Variants in SH3TC1 observed in about 807,000 individuals in gnomAD.
SH3TC1 encodes SH3 domain and tetratricopeptide repeats 1.
Under a neutral mutation model 117.3 loss-of-function variants are expected in SH3TC1, and 135 were observed. The ratio of observed to expected loss-of-function variants is 1.15; its 90% CI spans 1.00 to 1.33. The LOEUF is 1.33. Among genes scored for constraint, SH3TC1 ranks in the 40% most tolerant of loss-of-function variants. The pLI is 0.00. For missense variants in SH3TC1, 2,092 were observed against 1,794.3 expected (o/e 1.17, Z -3.00); for synonymous variants, 898 against 816.9 (o/e 1.10, Z -1.69).
rs115664377 is a variant in SH3TC1, at chr4:8,221,760, T to A, written c.1113-1080T>A. Reference sequence around the variant, plus strand: ...CAGATACAATGCCATTATCTACAGATCTTACTCAGATTTTGCCAGGAGCCA... The same window carrying A: ...CAGATACAATGCCATTATCTACAGAACTTACTCAGATTTTGCCAGGAGCCA... On this transcript the variant is annotated intron_variant, in intron 9 of 17. Transcript: ENST00000245105. 8.0e-3 allele frequency among the ~76,000 whole-genome samples: 1,225 copies of A among 152,272 alleles called. 8 individuals are homozygous for A. Among genetic ancestry groups the A allele is most frequent in the Admixed American group, 0.015 (229 of 15,290 alleles).
In SH3TC1 at chr4:8,227,459, G is replaced by T. The variant is rs1438880545; in HGVS notation, c.1765G>T (p.Ala589Ser). The change falls in exon 12 of 18, where the codon GCC becomes TCC. Residue 589 changes from alanine (A) to serine (S), a missense_variant. Physicochemically the swap from Ala to Ser is moderately conservative, Grantham distance 99 (BLOSUM62 1). Coordinates refer to ENST00000245105, the MANE Select transcript of SH3TC1 (RefSeq NM_018986.5). Reference sequence around the variant, plus strand: ...GGTGTACTTTGAGGAAGCGCTGGGGGCCCTGGAGGGCAGCTTCGGGGACCT... The same window carrying T: ...GGTGTACTTTGAGGAAGCGCTGGGGTCCCTGGAGGGCAGCTTCGGGGACCT... ...ARVYFEEALG[A>S]LEGSFGDLFL... 9 of 1,563,866 alleles carry T rather than the reference G, an allele frequency of 5.8e-6. No homozygotes were observed. In the South Asian group the frequency reaches 6.1e-5, roughly 11 times the overall value.
At chr4:8,211,783 A>G (rs1718755253) in intron 3 of SH3TC1, among the ~76,000 whole-genome samples, 1 of 152,044 alleles carries the variant, frequency 6.6e-6, no homozygotes, top group Admixed American at 6.5e-5. Flanking sequence ...GCTGGATCTC[A>G]GGAGCTCCAC....
chr4:8,222,355 G>A (rs895205855), intron 9 of SH3TC1, among the ~76,000 whole-genome samples: 1 of 138,222 alleles, frequency 7.2e-6, no homozygotes, highest in Admixed American at 7.7e-5. Context: ...TTGAGGTCAG[G>A]ATCTGGTTTT....
rs369156664 is a variant in SH3TC1, at chr4:8,227,750, C to T, written c.2056C>T (p.Pro686Ser). The part of the protein sequence containing the change: ...VHLKQPEEAL[P>S]FLERLLLLHR... The stretch of plus-strand genomic sequence containing the variant: ...CCTCAAGCAGCCCGAGGAGGCCCTG[C>T]CCTTCCTAGAGCGGCTGCTGCTTTT... Residue 686 changes from proline to serine, a missense_variant, in exon 12 of 18, where the codon CCC (proline) becomes TCC (serine). Transcript: ENST00000245105. 1.2e-6 allele frequency: 2 copies of T among 1,609,966 alleles called. No individual in the cohort carries two copies. Among genetic ancestry groups the T allele is most frequent in the African/African-American group, 2.7e-5 (2 of 75,008 alleles).
At position 8,192,321 on chromosome 4, in the gene SH3TC1, C is replaced by A. The variant is rs2152974794; in HGVS notation, c.-57+10111C>A. Reference sequence around the variant, plus strand: ...CTCAGTCACCTTTAAAATGAAAGGGCCACGGAATCACCAGGAACTCTCCTT... The same window carrying A: ...CTCAGTCACCTTTAAAATGAAAGGGACACGGAATCACCAGGAACTCTCCTT... On this transcript the variant is annotated intron_variant, in intron 1 of 16. Transcript: ENST00000508641. This position sits in a 1 kb window ranked among gnomAD's most constrained non-coding sequence, Gnocchi z 4.1. 6.6e-6 allele frequency among the ~76,000 whole-genome samples: 1 copy of A among 151,668 alleles called. No homozygotes were observed. The highest frequency in any genetic ancestry group is 2.1e-4 in the South Asian group (1 of 4,790).
intron 7 of SH3TC1, 28 bp from the exon 8 acceptor site, chr4:8,218,243 A>T: frequency 6.3e-7 from 1 of 1,588,830 alleles, no homozygotes; most frequent in Non-Finnish European, 8.6e-7. Flanking sequence ...GAAATCCCGC[A>T]GCAAAGACCT....
At chr4:8,239,270 CACATGCACACACATGG>C (rs1308809501) in intron 17 of SH3TC1, among the ~76,000 whole-genome samples, 1 of 151,494 alleles carries the variant, frequency 6.6e-6, no homozygotes. Flanking sequence ...CACACAGAGA[CACATGCACACACATGG>C]ACATGCACAC....
intron 1 of SH3TC1, among the ~76,000 whole-genome samples, chr4:8,204,201 G>C (rs752460670): frequency 6.6e-5 from 10 of 152,222 alleles, no homozygotes; most frequent in Non-Finnish European, 1.2e-4. Context: ...CAAGCCAGGA[G>C]CAAGGGGACG....
At chr4:8,211,483 C>CACCCGCCCCCGCACCGTTTTCT (rs1202418829) in intron 3 of SH3TC1, among the ~76,000 whole-genome samples, 1 of 85,458 alleles carries the variant, frequency 1.2e-5, no homozygotes, top group Non-Finnish European at 2.5e-5. Flanking sequence ...CCTCCCTCTC[C>CACCCGCCCCCGCACCGTTTTCT]CCCTCCCGGT....
chr4:8,230,915 G>A (rs996038844), intron 12 of SH3TC1, among the ~76,000 whole-genome samples: 3 of 152,024 alleles, frequency 2.0e-5, no homozygotes, highest in African/African-American at 7.2e-5. Flanking sequence ...GAGTAGCTGG[G>A]ATTACAGACA....
chr4:8,237,317 T>C (rs1721906974), intron 16 of SH3TC1, 157 bp from the exon 17 acceptor site: 2 of 618,188 alleles, frequency 3.2e-6, no homozygotes, highest in Admixed American at 7.2e-5. Flanking sequence ...TTAGTTCTGC[T>C]TTGTAGATGG....
rs1291585042 is a variant in SH3TC1, at chr4:8,209,855, G to T, written c.247+33G>T. On this transcript the variant is annotated intron_variant, in intron 3 of 17. Transcript: ENST00000245105. This position sits in a 1 kb window ranked among gnomAD's most constrained non-coding sequence, Gnocchi z 5.9. ...TCCTGGGCCCTACACAGGGCTTCAG[G>T]TTCAAATCCGGGCTGTGCCGCTCCC... 8.1e-6 allele frequency: 13 copies of T among 1,604,018 alleles called. No homozygotes were observed. The highest frequency in any genetic ancestry group is 3.4e-5 in the South Asian group (3 of 89,476).
At chr4:8,217,541 G>C (rs2152986404) in intron 7 of SH3TC1, among the ~76,000 whole-genome samples, 1 of 152,368 alleles carries the variant, frequency 6.6e-6, no homozygotes, top group East Asian at 1.9e-4. Context: ...GGGGATGTGA[G>C]GACAGGTGAC....
At position 8,236,281 on chromosome 4, in the gene SH3TC1, C is replaced by T. The variant is rs61740112; in HGVS notation, c.3409C>T (p.Arg1137Trp). 7.2e-3 allele frequency: 11,149 copies of T among 1,549,996 alleles called. 674 individuals carry two copies. The African/African-American group carries it at 0.13, about 18-fold the overall frequency. The change falls in exon 16 of 18, where the codon CGG (arginine) becomes TGG (tryptophan). Residue 1137 changes from arginine (R) to tryptophan (W), a missense_variant. Coordinates refer to ENST00000245105, the MANE Select transcript of SH3TC1 (RefSeq NM_018986.5). ...REKAVSFYRD[R>W]ALPLAVTTGN... ...ACCCCACCTGCCTGTGTGGCAGGACCGGGCCCTGCCCCTGGCAGTGACTAC... is the reference window on the plus strand; with the variant it reads ...ACCCCACCTGCCTGTGTGGCAGGACTGGGCCCTGCCCCTGGCAGTGACTAC...
intron 10 of SH3TC1, among the ~76,000 whole-genome samples, chr4:8,224,404 A>G (rs1371362102): frequency 1.3e-5 from 2 of 152,190 alleles, no homozygotes; most frequent in Admixed American, 6.5e-5. Flanking sequence ...CTTTTTAGGA[A>G]GCAGGTTTGG....
At chr4:8,230,527 C>T (rs553728450) in intron 12 of SH3TC1, among the ~76,000 whole-genome samples, 41 of 152,220 alleles carry the variant, frequency 2.7e-4, no homozygotes, top group Admixed American at 2.4e-3. Flanking sequence ...AAAAACCCAC[C>T]TTTGGGTCTG....
In SH3TC1 at chr4:8,217,098, C is replaced by T. The variant is rs201937072; in HGVS notation, c.770C>T (p.Pro257Leu). The change falls in exon 7 of 18, where the codon CCG becomes CTG. Residue 257 changes from proline (P) to leucine (L), a missense_variant. Coordinates refer to ENST00000245105, the MANE Select transcript of SH3TC1 (RefSeq NM_018986.5). The stretch of plus-strand genomic sequence containing the variant: ...GCCCCGGAAACAGACTCTTCACCGC[C>T]GAGCCCCAGCGTGTCCTCCGAGGAG... ...EAAPETDSSP[P>L]SPSVSSEEVA... The T allele has an allele frequency of 3.8e-4, 616 of 1,613,188 alleles. No homozygotes were observed. Among genetic ancestry groups the T allele is most frequent in the South Asian group, 7.2e-4 (66 of 91,050 alleles).
At chr4:8,185,797 C>G (rs1290179167) in intron 1 of SH3TC1, among the ~76,000 whole-genome samples, 1 of 152,226 alleles carries the variant, frequency 6.6e-6, no homozygotes, top group East Asian at 1.9e-4. Flanking sequence ...CAGAAGTCGA[C>G]AGTCATCTGC....
At chr4:8,218,677 C>G (rs1006390502) in intron 8 of SH3TC1, among the ~76,000 whole-genome samples, 1 of 152,230 alleles carries the variant, frequency 6.6e-6, no homozygotes, top group African/African-American at 2.4e-5. Context: ...TCAGACAGTG[C>G]AACCCAACAG....
Sources: gnomAD v4.1 joint callset for allele counts (sites outside exome capture counted in the v4.1 genomes callset) on GRCh38, gnomAD v4.1.1 for gene constraint, Gnocchi (gnomAD v3.1) non-coding constraint, MANE v1.5 for transcripts, NCBI Gene and HGNC (gene_info 2026-07-23, HGNC 2026-07-21) for gene names.